Variants in CREG2 observed in about 807,000 individuals in gnomAD.
The protein encoded by CREG2 is cellular repressor of E1A stimulated genes 2.
In CREG2, 24 loss-of-function variants were observed where a neutral mutation model predicts 26.2. That is an observed-to-expected ratio of 0.92 (90% CI 0.66 to 1.29). The LOEUF is 1.29. Among genes scored for constraint, CREG2 ranks in the 50% most tolerant of loss-of-function variants. CREG2 has a pLI of 0.00. For missense variants in CREG2, 366 were observed against 398.6 expected, an observed-to-expected ratio of 0.92 and a Z score of 0.70; for synonymous variants, 174 against 169.2, an observed-to-expected ratio of 1.03 and a Z score of -0.22.
rs865890283 is a variant in CREG2, at chr2:101,349,157, A to G, written c.*1766T>C. ...TTAAGGTGTGAGGTTGACTTATGCA[A>G]TACATTTGAGCATGTCATTTGTTCT... On this transcript the variant is annotated 3_prime_UTR_variant, in exon 4 of 4. Coordinates refer to ENST00000324768, the MANE Select transcript of CREG2 (RefSeq NM_153836.4). 3.9e-5 allele frequency: 6 copies of G among 152,758 alleles called. No individual in the cohort carries two copies. The South Asian group carries it at 1.0e-3, about 26-fold the overall frequency. The allele number at this position is 152,758 out of a possible 1,614,324, so 9.5% of individuals were successfully genotyped here.
intron 2 of CREG2, chr2:101,383,122 A>T (rs1474397575): frequency 2.0e-6 from 1 of 496,150 alleles, no homozygotes; most frequent in Non-Finnish European, 2.7e-6. Flanking sequence ...CAATATATAG[A>T]CTCTGTGTTG....
intron 3 of CREG2, 33 bp from the exon 4 acceptor site, chr2:101,351,103 G>T (rs373755129): frequency 1.2e-6 from 2 of 1,605,994 alleles, no homozygotes; most frequent in African/African-American, 2.7e-5. Flanking sequence ...CAGTAAAGCT[G>T]CTCTTATCAG....
At chr2:101,376,989 G>A (rs994992430) in intron 2 of CREG2, among the ~76,000 whole-genome samples, 4 of 152,190 alleles carry the variant, frequency 2.6e-5, no homozygotes, top group Non-Finnish European at 4.4e-5. Flanking sequence ...AGCTTGGAGA[G>A]CTTCTGAATA....
At chr2:101,363,256 T>C (rs1254378689) in intron 2 of CREG2, among the ~76,000 whole-genome samples, 2 of 152,144 alleles carry the variant, frequency 1.3e-5, no homozygotes, top group Non-Finnish European at 2.9e-5. Flanking sequence ...CACAGCACTT[T>C]GTATGCAGCG....
chr2:101,382,910 C>T, intron 2 of CREG2: 2 of 985,740 alleles, frequency 2.0e-6, no homozygotes, highest in Non-Finnish European at 2.4e-6. Context: ...ACACCAGCTC[C>T]ATGCAGACAT....
rs1684893391 is a variant in CREG2 at position 101,382,590 on chromosome 2, C to G, written c.611+943G>C. Reference sequence around the variant, plus strand: ...GTAACCTGGTGGGGAACAGGGTCAGCTGAAGTGTCTCCATGTGGTCTGTCG... The same window carrying G: ...GTAACCTGGTGGGGAACAGGGTCAGGTGAAGTGTCTCCATGTGGTCTGTCG... On this transcript the variant is annotated intron_variant, in intron 2 of 3. Transcript: ENST00000324768. The G allele has an allele frequency of 4.1e-6, 4 of 985,298 alleles. No homozygotes were observed. In the South Asian group the frequency reaches 1.9e-4, roughly 46 times the overall value. The allele number at this position is 985,298 out of a possible 1,614,324, so 61.0% of individuals were successfully genotyped here. A position where few individuals can be genotyped will look rare whatever the true frequency, so the allele number is the denominator to read the frequency against.
chr2:101,355,036 T>C (rs1055296766), intron 3 of CREG2, among the ~76,000 whole-genome samples: 3 of 152,164 alleles, frequency 2.0e-5, no homozygotes, highest in African/African-American at 7.2e-5. Flanking sequence ...GAATTGTACC[T>C]GGAATAGCTC....
intron 2 of CREG2, among the ~76,000 whole-genome samples, chr2:101,363,097 A>T (rs1278857417): frequency 6.6e-6 from 1 of 152,154 alleles, no homozygotes; most frequent in African/African-American, 2.4e-5. Flanking sequence ...TATTTTTCCT[A>T]TAACAGGGCC....
At position 101,346,285 on chromosome 2, in the gene CREG2, T is replaced by C. The variant is rs2104465236; in HGVS notation, c.*4638A>G. ...GTAAATAAAAACATGGTGGTCTGGA[T>C]AGACTTTAATTAGCTTATTCACTAA... On this transcript the variant is annotated 3_prime_UTR_variant, in exon 4 of 4. Coordinates refer to ENST00000324768, the MANE Select transcript of CREG2 (RefSeq NM_153836.4). 6.6e-6 allele frequency: 1 copy of C among 152,342 alleles called. No individual in the cohort carries two copies. The highest frequency in any genetic ancestry group is 2.1e-4 in the South Asian group (1 of 4,832). The allele number at this position is 152,342 out of a possible 1,614,324, so 9.4% of individuals were successfully genotyped here.
At chr2:101,360,598 T>C (rs1310249196) in intron 2 of CREG2, among the ~76,000 whole-genome samples, 8 of 151,608 alleles carry the variant, frequency 5.3e-5, no homozygotes, top group African/African-American at 1.9e-4. Flanking sequence ...ATTAGCCGGG[T>C]GTGGTGGTGG....
At chr2:101,354,845 G>A (rs563765547) in intron 3 of CREG2, among the ~76,000 whole-genome samples, 5 of 152,178 alleles carry the variant, frequency 3.3e-5, no homozygotes, top group East Asian at 3.9e-4. Context: ...ATAAAGCTGC[G>A]TCTAAGTCAG....
intron 2 of CREG2, among the ~76,000 whole-genome samples, chr2:101,356,828 T>G (rs1393054636): frequency 6.6e-6 from 1 of 152,180 alleles, no homozygotes; most frequent in Non-Finnish European, 1.5e-5. Context: ...GTGACAGAAT[T>G]ATCCTAAGAC....
chr2:101,385,469 C>T (rs559937482), intron 1 of CREG2, among the ~76,000 whole-genome samples: 20 of 152,256 alleles, frequency 1.3e-4, no homozygotes, highest in South Asian at 4.2e-4. Context: ...GTGTGAGCCA[C>T]GACGCCTGGC....
At chr2:101,378,349 C>T (rs766850637) in intron 2 of CREG2, among the ~76,000 whole-genome samples, 3 of 152,170 alleles carry the variant, frequency 2.0e-5, no homozygotes, top group Non-Finnish European at 4.4e-5. Flanking sequence ...CTTAAATGTC[C>T]TCATTATCCT....
chr2:101,366,428 C>G (rs1684619117), intron 2 of CREG2, among the ~76,000 whole-genome samples: 2 of 152,152 alleles, frequency 1.3e-5, no homozygotes, highest in East Asian at 1.9e-4. Flanking sequence ...CTTGGACATA[C>G]AGTTGGCCTT....
intron 2 of CREG2, chr2:101,382,939 G>A: frequency 1.0e-6 from 1 of 985,782 alleles, no homozygotes; most frequent in African/African-American, 1.7e-5. Flanking sequence ...GAGGATGCGA[G>A]TTCAGGCTTT....
At chr2:101,359,507 C>T (rs184766153) in intron 2 of CREG2, among the ~76,000 whole-genome samples, 146 of 152,326 alleles carry the variant, frequency 9.6e-4, no homozygotes, top group Middle Eastern at 3.4e-3. Context: ...TGATCACCAA[C>T]TTCAGGTTTT....
intron 2 of CREG2, among the ~76,000 whole-genome samples, chr2:101,357,970 C>T (rs1037216420): frequency 3.2e-5 from 3 of 93,264 alleles, no homozygotes; most frequent in African/African-American, 9.5e-5. Flanking sequence ...GAGCGAGACT[C>T]CGTCTCAAAA....
chr2:101,383,683 C>T lies in CREG2; in HGVS notation c.461G>A (p.Gly154Glu), dbSNP rs1369880277. 6.2e-7 allele frequency: 1 copy of T among 1,609,072 alleles called. No individual in the cohort carries two copies. The highest frequency in any genetic ancestry group is 8.5e-7 in the Non-Finnish European group (1 of 1,177,194). Residue 154 changes from glycine to glutamate, a missense_variant, in exon 2 of 4, where the codon GGG becomes GAG. This residue lies in a region of CREG2 where 174 missense variants were observed against 178.2 expected (regional missense o/e 0.98). Coordinates refer to ENST00000324768, the MANE Select transcript of CREG2 (RefSeq NM_153836.4). ...THKKIQGLPF[G>E]NCLPVSDGPF... ...GCCATCACTGACGGGCAGGCAGTTC[C>T]CAAATGGCAGTCCTTGGATCTAACA...
Sources: allele counts gnomAD v4.1 joint callset (sites outside exome capture counted in the v4.1 genomes callset), GRCh38; gene constraint gnomAD v4.1.1; regional missense constraint gnomAD v4.1.1; transcripts MANE v1.5; gene names NCBI Gene and HGNC (gene_info 2026-07-23, HGNC 2026-07-21).